Variants in ITPR2 observed in about 807,000 individuals in gnomAD.
The protein encoded by ITPR2 is inositol 1,4,5-trisphosphate-gated calcium channel ITPR2.
Under a neutral mutation model 317.1 loss-of-function variants are expected in ITPR2, and 207 were observed. That is an observed-to-expected ratio of 0.65 (90% CI 0.58 to 0.73). The LOEUF (loss-of-function observed/expected upper bound fraction) is 0.73. Among genes scored for constraint, ITPR2 ranks in the 30% least tolerant of loss-of-function variants. The pLI, the probability that ITPR2 is intolerant of heterozygous loss-of-function variation, is 0.00. For missense variants in ITPR2, 2,613 were observed against 3,284.0 expected, an observed-to-expected ratio of 0.80 and a Z score of 4.99; for synonymous variants, 1,156 against 1,149.1, an observed-to-expected ratio of 1.01 and a Z score of -0.12.
At chr12:26,662,960 G>A (rs73076499) in intron 15 of ITPR2, among the ~76,000 whole-genome samples, 2,510 of 152,082 alleles carry the variant, frequency 0.017, 63 homozygotes, top group African/African-American at 0.055. Context: ...CTTGAGCCAC[G>A]CCACCTGGTT....
At chr12:26,755,832 A>G (rs925934827) in intron 2 of ITPR2, among the ~76,000 whole-genome samples, 3 of 152,194 alleles carry the variant, frequency 2.0e-5, no homozygotes, top group Non-Finnish European at 4.4e-5. Context: ...CTTGTCTATG[A>G]CAGTCCCTAT....
chr12:26,370,964 C>T (rs986951568), intron 55 of ITPR2, among the ~76,000 whole-genome samples: 2 of 152,204 alleles, frequency 1.3e-5, no homozygotes, highest in East Asian at 3.8e-4. Flanking sequence ...TGAGCCACTG[C>T]GTCCGGCCAA....
chr12:26,477,244 G>T (rs983097067), intron 43 of ITPR2, among the ~76,000 whole-genome samples: 1 of 152,032 alleles, frequency 6.6e-6, no homozygotes, highest in Admixed American at 6.6e-5. Context: ...AAATATTGGT[G>T]AAAAGGTACT....
intron 26 of ITPR2, among the ~76,000 whole-genome samples, chr12:26,606,678 C>T (rs1033492377): frequency 5.9e-5 from 9 of 151,800 alleles, no homozygotes; most frequent in African/African-American, 2.2e-4. Context: ...ATGCCTATAA[C>T]CCCTATACTT....
chr12:26,832,590 C>G, intron 1 of ITPR2, 100 bp downstream of exon 1: 1 of 865,120 alleles, frequency 1.2e-6, no homozygotes, highest in Non-Finnish European at 1.7e-6. Context: ...GGCCGGGCCA[C>G]CACGCGCGGC....
At chr12:26,520,576 C>G (rs138041358) in intron 37 of ITPR2, among the ~76,000 whole-genome samples, 1 of 152,170 alleles carries the variant, frequency 6.6e-6, no homozygotes, top group Non-Finnish European at 1.5e-5. Context: ...CATGGGACCT[C>G]TCATCTAAGT....
chr12:26,459,479 T>C (rs747595448), intron 45 of ITPR2, among the ~76,000 whole-genome samples: 3 of 152,180 alleles, frequency 2.0e-5, no homozygotes, highest in Non-Finnish European at 2.9e-5. Flanking sequence ...CCTCCATCAA[T>C]AGATTGTTCT....
chr12:26,810,294 CT>C (rs899888920), intron 1 of ITPR2, among the ~76,000 whole-genome samples: 21 of 152,088 alleles, frequency 1.4e-4, no homozygotes, highest in African/African-American at 4.1e-4. Context: ...ATCCTTATAG[CT>C]TTTTTTTCAT....
intron 37 of ITPR2, among the ~76,000 whole-genome samples, chr12:26,518,407 A>C (rs1035693465): frequency 2.0e-5 from 3 of 152,202 alleles, no homozygotes; most frequent in Non-Finnish European, 1.5e-5. Flanking sequence ...CCTAAAAACT[A>C]GCTATCAGGA....
chr12:26,429,913 T>C (rs1037427657), intron 48 of ITPR2, among the ~76,000 whole-genome samples: 2 of 152,246 alleles, frequency 1.3e-5, no homozygotes, highest in African/African-American at 4.8e-5. Flanking sequence ...TAATTTGGCA[T>C]AGATAGTCAC....
intron 55 of ITPR2, among the ~76,000 whole-genome samples, chr12:26,369,921 T>C (rs1314403085): frequency 6.6e-6 from 1 of 152,102 alleles, no homozygotes; most frequent in Non-Finnish European, 1.5e-5. Flanking sequence ...TGTGAAAACT[T>C]TGGACATTGA....
chr12:26,793,396 T>A (rs906408989), intron 1 of ITPR2, among the ~76,000 whole-genome samples: 1 of 152,172 alleles, frequency 6.6e-6, no homozygotes, highest in Non-Finnish European at 1.5e-5. Context: ...CCTTCCTTTG[T>A]CCAGACCTAT....
intron 55 of ITPR2, among the ~76,000 whole-genome samples, chr12:26,385,343 T>C (rs1939635507): frequency 6.6e-6 from 1 of 152,160 alleles, no homozygotes; most frequent in African/African-American, 2.4e-5. Context: ...ACCCACCGCC[T>C]TTCTCCCAAT....
intron 20 of ITPR2, among the ~76,000 whole-genome samples, chr12:26,655,037 A>G (rs1174043615): frequency 6.6e-6 from 1 of 152,248 alleles, no homozygotes; most frequent in Non-Finnish European, 1.5e-5. Flanking sequence ...ACCAGTAGGT[A>G]GCTAATACAC....
At chr12:26,537,915 GA>G (rs1196510663) in intron 37 of ITPR2, among the ~76,000 whole-genome samples, 1 of 152,180 alleles carries the variant, frequency 6.6e-6, no homozygotes, top group Non-Finnish European at 1.5e-5. Flanking sequence ...GCACCAGATG[GA>G]ATATGCAGGA....
chr12:26,526,845 TAAG>T (rs1199679981), intron 37 of ITPR2, among the ~76,000 whole-genome samples: 2 of 152,072 alleles, frequency 1.3e-5, no homozygotes, highest in African/African-American at 2.4e-5. Flanking sequence ...GGGCGAGAGA[TAAG>T]AAGAAATCAA....
intron 37 of ITPR2, among the ~76,000 whole-genome samples, chr12:26,513,744 A>G (rs975812339): frequency 3.5e-5 from 3 of 86,436 alleles, no homozygotes; most frequent in Non-Finnish European, 8.1e-5. Context: ...TTTATTGCCA[A>G]TTATCACACA....
chr12:26,510,220 C>T (rs1036844139), intron 37 of ITPR2, among the ~76,000 whole-genome samples: 1 of 152,094 alleles, frequency 6.6e-6, no homozygotes, highest in Non-Finnish European at 1.5e-5. Flanking sequence ...CCACTGCATA[C>T]TAATATGCTA....
At chr12:26,534,269 A>T (rs191077817) in intron 37 of ITPR2, among the ~76,000 whole-genome samples, 1 of 152,240 alleles carries the variant, frequency 6.6e-6, no homozygotes, top group South Asian at 2.1e-4. Flanking sequence ...CCTGGCAAGA[A>T]TCAGCAAAAT....
Sources: allele counts gnomAD v4.1 joint callset (sites outside exome capture counted in the v4.1 genomes callset), GRCh38; gene constraint gnomAD v4.1.1; transcripts MANE v1.5; gene names NCBI Gene and HGNC (gene_info 2026-07-23, HGNC 2026-07-21).